ACCS: variants seen among roughly 807,000 people sequenced by gnomAD.
ACCS encodes 1-aminocyclopropane-1-carboxylate synthase-like protein 1.
Under a neutral mutation model 59.8 loss-of-function variants are expected in ACCS, and 42 were observed. The ratio of observed to expected loss-of-function variants is 0.70; its 90% CI spans 0.55 to 0.91. ACCS has a LOEUF of 0.91. ACCS is among the 40% of genes least tolerant of loss of function. The probability of loss-of-function intolerance (pLI) is 0.00; values close to 1 mark genes in which losing one functional copy is unlikely to be tolerated. For synonymous variants in ACCS, 230 were observed against 240.3 expected (o/e 0.96, Z 0.40); for missense variants, 602 against 630.4 (o/e 0.95, Z 0.48).
chr11:44,078,285 G>C (rs1162565160), intron 8 of ACCS: 3 of 323,854 alleles, frequency 9.3e-6, no homozygotes, highest in Non-Finnish European at 1.7e-5. Flanking sequence ...GCTCACTGTG[G>C]GGGGAGCTGA....
At chr11:44,069,714 C>T (rs1181752426) in intron 2 of ACCS, among the ~76,000 whole-genome samples, 1 of 152,206 alleles carries the variant, frequency 6.6e-6, no homozygotes, top group East Asian at 1.9e-4. Context: ...CACAGAATTG[C>T]CTCATGGCAT....
chr11:44,077,031 A>G (rs1175539380), intron 6 of ACCS, among the ~76,000 whole-genome samples: 1 of 152,202 alleles, frequency 6.6e-6, no homozygotes, highest in South Asian at 2.1e-4. Context: ...GATCCCTCCT[A>G]TGACGCAGGG....
At chr11:44,079,394 G>C in intron 9 of ACCS, 137 bp from the exon 10 acceptor site, 2 of 647,018 alleles carry the variant, frequency 3.1e-6, no homozygotes, top group Non-Finnish European at 5.4e-6. Context: ...AAAGAATGGT[G>C]TTCTTGGAAA....
chr11:44,077,664 G>A, intron 7 of ACCS, 181 bp from the exon 8 acceptor site: 1 of 1,441,678 alleles, frequency 6.9e-7, no homozygotes, highest in Non-Finnish European at 9.1e-7. Flanking sequence ...TGATGAGGGG[G>A]TCTCTGAAGT....
intron 2 of ACCS, among the ~76,000 whole-genome samples, chr11:44,069,554 C>T (rs988509479): frequency 2.0e-5 from 3 of 152,214 alleles, no homozygotes; most frequent in African/African-American, 4.8e-5. Context: ...CGCCCAGCCT[C>T]AAGATCTTTT....
chr11:44,082,130 AC>A (rs1320914726), intron 12 of ACCS: 1 of 152,208 alleles, frequency 6.6e-6, no homozygotes. Flanking sequence ...AAAAATAGTG[AC>A]AACATCAAGT....
chr11:44,079,537 G>T lies in ACCS; in HGVS notation c.840G>T (p.Arg280Ser). 6.2e-7 allele frequency: 1 copy of T among 1,610,474 alleles called. No homozygotes were observed. Among genetic ancestry groups the T allele is most frequent in the South Asian group, 1.1e-5 (1 of 89,800 alleles). ...CACCCCTGCCTCACTCCAGGCACAG[G>T]CTGCATGTGATTGTGGATGAGGTCT... ...QEYLVFAKRH[R>S]LHVIVDEVYM... Residue 280 changes from arginine to serine, a missense_variant, in exon 10 of 15, where the codon AGG (arginine) becomes AGT (serine). By Grantham distance (110) the Arg-to-Ser change is moderately radical. Coordinates refer to ENST00000263776, the MANE Select transcript of ACCS (RefSeq NM_032592.4).
intron 3 of ACCS, among the ~76,000 whole-genome samples, chr11:44,072,802 G>A (rs931025477): frequency 6.6e-6 from 1 of 152,164 alleles, no homozygotes. Context: ...GGACAGTGTG[G>A]CTCTAAGGGA....
In ACCS at chr11:44,071,278, G is replaced by C. The variant is rs1434022066; in HGVS notation, c.311G>C (p.Ser104Thr). The change falls in exon 3 of 15, where the codon AGT becomes ACT. Residue 104 changes from serine to threonine, a missense_variant. Coordinates refer to ENST00000263776, the MANE Select transcript of ACCS (RefSeq NM_032592.4). ...NPSGIINLGT[S>T]ENKLCFDLLS... is the part of the protein sequence containing the mutation. ...CAGGGCATCATTAACTTGGGCACCA[G>C]TGAGAACAAACTCTGCTTTGACCTG... The C allele has an allele frequency of 6.2e-7, 1 of 1,614,150 alleles. No homozygotes were observed. Among genetic ancestry groups the C allele is most frequent in the South Asian group, 1.1e-5 (1 of 91,078 alleles).
chr11:44,079,434 C>A, intron 9 of ACCS, 97 bp from the exon 10 acceptor site: 1 of 994,568 alleles, frequency 1.0e-6, no homozygotes, highest in East Asian at 2.6e-5. Context: ...GGCTAGACCC[C>A]GGCCCCTCTG....
intron 8 of ACCS, 173 bp downstream of exon 8, chr11:44,078,095 A>G (rs1953463945): frequency 3.7e-6 from 3 of 811,456 alleles, no homozygotes. Flanking sequence ...AACCCTGCCC[A>G]GGGAGGGTCT....
At position 44,066,463 on chromosome 11, in the gene ACCS, C is replaced by G. The variant is rs910951540; in HGVS notation, c.-239C>G. On this transcript the variant is annotated 5_prime_UTR_variant, in exon 1 of 15. Coordinates refer to ENST00000263776, the MANE Select transcript of ACCS (RefSeq NM_032592.4). Reference sequence around the variant, plus strand: ...TGCCTGGAAACCTGGAGCCGTCTCTCGCGAGACGTCCTCCGCCCTGTAGAA... The same window carrying G: ...TGCCTGGAAACCTGGAGCCGTCTCTGGCGAGACGTCCTCCGCCCTGTAGAA... 3 of 152,372 alleles carry G rather than the reference C, an allele frequency of 2.0e-5. No homozygotes were observed. The highest frequency in any genetic ancestry group is 7.2e-5 in the African/African-American group (3 of 41,480). The allele number at this position is 152,372 out of a possible 1,614,324, so 9.4% of individuals were successfully genotyped here. A position where few individuals can be genotyped will look rare whatever the true frequency, so the allele number is the denominator to read the frequency against.
intron 10 of ACCS, chr11:44,080,788 T>A (rs111880714): frequency 1.0e-5 from 6 of 584,770 alleles, no homozygotes; most frequent in Middle Eastern, 4.5e-4. Context: ...GTGTTCTCAT[T>A]AAACTTTATT....
At chr11:44,068,619 CA>C (rs1236053501) in intron 2 of ACCS, among the ~76,000 whole-genome samples, 11 of 152,052 alleles carry the variant, frequency 7.2e-5, no homozygotes, top group Non-Finnish European at 1.0e-4. Flanking sequence ...TAACAACAAA[CA>C]AACAAAAATA....
rs753604655 is a variant in ACCS at position 44,074,677 on chromosome 11, A to G, written c.485A>G (p.Glu162Gly). The G allele has an allele frequency of 2.2e-5, 35 of 1,604,876 alleles. No individual in the cohort carries two copies. The highest frequency in any genetic ancestry group is 2.8e-5 in the Non-Finnish European group (33 of 1,176,248). Residue 162 changes from glutamate to glycine, a missense_variant, in exon 5 of 15, where the codon GAG becomes GGG. By Grantham distance (98) the Glu-to-Gly change is moderately conservative. Transcript: ENST00000263776. ...YCKSPVPLRP[E>G]NVVVLNGGAS... ...AAGAGCCCAGTACCCCTCAGACCAGAGAATGTGAGTGGCCCCCTCCACTGC... is the reference window on the plus strand; with the variant it reads ...AAGAGCCCAGTACCCCTCAGACCAGGGAATGTGAGTGGCCCCCTCCACTGC...
At chr11:44,082,652 TTTA>T (rs1311678844) in intron 12 of ACCS, among the ~76,000 whole-genome samples, 1 of 152,198 alleles carries the variant, frequency 6.6e-6, no homozygotes, top group Non-Finnish European at 1.5e-5. Flanking sequence ...CAGGGTGTTC[TTTA>T]GGATGGTGGA....
chr11:44,079,891 G>A (rs1015728121), intron 10 of ACCS, among the ~76,000 whole-genome samples: 10 of 152,216 alleles, frequency 6.6e-5, no homozygotes, highest in African/African-American at 2.2e-4. Context: ...TGGCCTCTTT[G>A]CTGTTTCCTT....
chr11:44,079,564 C>T lies in ACCS; in HGVS notation c.867C>T (p.Tyr289=). ...TGCATGTGATTGTGGATGAGGTCTA[C>T]ATGCTGTCCGTGTTTGAGAAGTCTG... The part of the protein sequence containing the change: ...HRLHVIVDEV[Y]MLSVFEKSVG... The change falls in exon 10 of 15, where the codon TAC becomes TAT. Residue 289 remains tyrosine (Y), a synonymous_variant. Coordinates refer to ENST00000263776, the MANE Select transcript of ACCS (RefSeq NM_032592.4). The T allele has an allele frequency of 6.2e-7, 1 of 1,612,344 alleles. No homozygotes were observed. The highest frequency in any genetic ancestry group is 8.5e-7 in the Non-Finnish European group (1 of 1,179,576).
intron 9 of ACCS, chr11:44,079,038 T>A (rs1463597956): frequency 2.1e-6 from 1 of 484,498 alleles, no homozygotes; most frequent in Non-Finnish European, 3.7e-6. Flanking sequence ...TTTATGTGCC[T>A]CATACAATCC....
Sources: gnomAD v4.1 joint callset for allele counts (sites outside exome capture counted in the v4.1 genomes callset) on GRCh38, gnomAD v4.1.1 for gene constraint, MANE v1.5 for transcripts, NCBI Gene and HGNC (gene_info 2026-07-23, HGNC 2026-07-21) for gene names.